Variants in C1QTNF7 observed in about 807,000 individuals in gnomAD.
The protein encoded by C1QTNF7 is C1q and TNF related 7, also known as complement C1q tumor necrosis factor-related protein 7.
A neutral mutation model predicts 19.6 loss-of-function variants in C1QTNF7; 15 were observed. That is an observed-to-expected ratio of 0.76 (90% CI 0.51 to 1.18). The LOEUF is 1.18. Ranked by LOEUF, C1QTNF7 falls within the 50% of genes most tolerant of loss-of-function variation. C1QTNF7 has a pLI of 0.00. For synonymous variants in C1QTNF7, 142 were observed against 137.5 expected, an observed-to-expected ratio of 1.03 and a Z score of -0.23; for missense variants, 324 against 359.7, an observed-to-expected ratio of 0.90 and a Z score of 0.80.
chr4:15,417,600 G>A (rs1166063579), intron 1 of C1QTNF7, among the ~76,000 whole-genome samples: 2 of 152,182 alleles, frequency 1.3e-5, no homozygotes, highest in Admixed American at 6.5e-5. Context: ...AGCATAGTGA[G>A]AACCTGTCTC....
intron 1 of C1QTNF7, among the ~76,000 whole-genome samples, chr4:15,357,472 T>A (rs569731951): frequency 6.6e-6 from 1 of 152,156 alleles, no homozygotes; most frequent in South Asian, 2.1e-4. Flanking sequence ...GTTACCATGC[T>A]GTTTTGTTAC....
rs189994367 is a variant in C1QTNF7, at chr4:15,394,784, C to G, written c.14-40952C>G. 4.7e-4 allele frequency among the ~76,000 whole-genome samples: 71 copies of G among 152,278 alleles called. 2 individuals are homozygous for G. Among genetic ancestry groups the G allele is most frequent in the Admixed American group, 4.2e-3 (65 of 15,304 alleles). ...GAGATGATGGTGGGTATCAGAAGGT[C>G]TTGAACCATAAGGCCTGGCCCTGGT... On this transcript the variant is annotated intron_variant, in intron 1 of 2. Coordinates refer to the C1QTNF7 transcript ENST00000295297.
intron 1 of C1QTNF7, among the ~76,000 whole-genome samples, chr4:15,429,976 T>C (rs1190669493): frequency 6.6e-6 from 1 of 152,192 alleles, no homozygotes; most frequent in African/African-American, 2.4e-5. Context: ...TACAAAGGGA[T>C]CTCAATCTAT....
At chr4:15,434,965 CATG>C (rs1048813191) in intron 1 of C1QTNF7, among the ~76,000 whole-genome samples, 1 of 152,190 alleles carries the variant, frequency 6.6e-6, no homozygotes, top group Non-Finnish European at 1.5e-5. Flanking sequence ...TGGCATTATA[CATG>C]ATTACCAAGT....
chr4:15,403,736 A>G (rs1719081892), intron 1 of C1QTNF7, among the ~76,000 whole-genome samples: 1 of 152,208 alleles, frequency 6.6e-6, no homozygotes, highest in South Asian at 2.1e-4. Flanking sequence ...TATTCAGCCC[A>G]CTACAAATGG....
intron 1 of C1QTNF7, among the ~76,000 whole-genome samples, chr4:15,391,641 TA>T (rs992662562): frequency 6.6e-6 from 1 of 151,822 alleles, no homozygotes; most frequent in Non-Finnish European, 1.5e-5. Flanking sequence ...AAAGGGGGAG[TA>T]AAAACAACAC....
intron 1 of C1QTNF7, among the ~76,000 whole-genome samples, chr4:15,386,855 G>A (rs148615120): frequency 0.018 from 2,747 of 152,244 alleles, 51 homozygotes; most frequent in Middle Eastern, 0.034. Flanking sequence ...AGACTGGTTG[G>A]GAGAGGCAGG....
intron 2 of C1QTNF7, among the ~76,000 whole-genome samples, chr4:15,441,748 G>A (rs530133794): frequency 1.5e-4 from 23 of 152,146 alleles, no homozygotes; most frequent in Non-Finnish European, 1.6e-4. Context: ...TTGGCTGGGC[G>A]CGGTGGCTCA....
chr4:15,368,407 A>G (rs1310544970), intron 1 of C1QTNF7, among the ~76,000 whole-genome samples: 1 of 152,108 alleles, frequency 6.6e-6, no homozygotes, highest in African/African-American at 2.4e-5. Flanking sequence ...CGTCATTTAC[A>G]TTAGGTATAT....
chr4:15,347,594 T>C (rs1415767391), intron 1 of C1QTNF7, among the ~76,000 whole-genome samples: 1 of 152,170 alleles, frequency 6.6e-6, no homozygotes, highest in African/African-American at 2.4e-5. Flanking sequence ...TGTTCTGGGA[T>C]GGATAGTGGC....
At chr4:15,358,453 T>A (rs1390773520) in intron 1 of C1QTNF7, 1 of 152,190 alleles carries the variant, frequency 6.6e-6, no homozygotes, top group East Asian at 1.9e-4. Flanking sequence ...AGCTTTTTGA[T>A]GTGCTGCTGG....
At chr4:15,437,764 G>A (rs1390937372) in intron 2 of C1QTNF7, among the ~76,000 whole-genome samples, 1 of 152,126 alleles carries the variant, frequency 6.6e-6, no homozygotes, top group Non-Finnish European at 1.5e-5. Flanking sequence ...GAGAATTTGG[G>A]TAGAATAATT....
intron 1 of C1QTNF7, among the ~76,000 whole-genome samples, chr4:15,345,243 C>A (rs1249945312): frequency 6.6e-6 from 1 of 152,220 alleles, no homozygotes; most frequent in African/African-American, 2.4e-5. Flanking sequence ...CATTTCTTCA[C>A]ACCAATTATG....
chr4:15,390,127 G>C (rs1718500923), intron 1 of C1QTNF7, among the ~76,000 whole-genome samples: 1 of 152,102 alleles, frequency 6.6e-6, no homozygotes. Flanking sequence ...TATATTAAGA[G>C]GCATATTGCA....
chr4:15,364,492 A>T (rs1717442577), intron 1 of C1QTNF7, among the ~76,000 whole-genome samples: 1 of 152,240 alleles, frequency 6.6e-6, no homozygotes, highest in African/African-American at 2.4e-5. Context: ...GCCACCATGT[A>T]GATGGGGGAA....
chr4:15,359,458 T>G (rs1220928483), intron 1 of C1QTNF7, among the ~76,000 whole-genome samples: 1 of 152,108 alleles, frequency 6.6e-6, no homozygotes, highest in Non-Finnish European at 1.5e-5. Flanking sequence ...ACTTGGGTTT[T>G]GGGTGCCACA....
At chr4:15,391,746 C>T (rs1226195032) in intron 1 of C1QTNF7, among the ~76,000 whole-genome samples, 1 of 152,118 alleles carries the variant, frequency 6.6e-6, no homozygotes, top group Admixed American at 6.5e-5. Flanking sequence ...AAATAATAAA[C>T]ATTGCATACA....
chr4:15,360,017 T>C (rs1361634827), intron 1 of C1QTNF7, among the ~76,000 whole-genome samples: 1 of 152,168 alleles, frequency 6.6e-6, no homozygotes, highest in Non-Finnish European at 1.5e-5. Flanking sequence ...ACCTGAGTGG[T>C]GGCATCATCC....
chr4:15,410,024 T>G (rs1057055194), intron 1 of C1QTNF7, among the ~76,000 whole-genome samples: 2 of 152,206 alleles, frequency 1.3e-5, no homozygotes. Context: ...AGCCAGAAAG[T>G]GTATGTGCTA....
Sources: allele counts gnomAD v4.1 joint callset (sites outside exome capture counted in the v4.1 genomes callset), GRCh38; gene constraint gnomAD v4.1.1; transcripts MANE v1.5; gene names NCBI Gene and HGNC (gene_info 2026-07-23, HGNC 2026-07-21).